Variants in DCC observed in about 807,000 individuals in gnomAD.
DCC encodes DCC netrin 1 receptor, also known as netrin receptor DCC.
DCC carries 58 observed loss-of-function variants against 172.5 expected under a neutral mutation model. The ratio of observed to expected loss-of-function variants is 0.34; its 90% CI spans 0.27 to 0.42. DCC has a LOEUF of 0.42. Among genes scored for constraint, DCC ranks in the 10% least tolerant of loss-of-function variants. The probability of loss-of-function intolerance (pLI) is 1.00; values close to 1 mark genes in which losing one functional copy is unlikely to be tolerated. For missense variants in DCC, 1,740 were observed against 1,791.0 expected (o/e 0.97, Z 0.51); for synonymous variants, 709 against 644.5 (o/e 1.10, Z -1.52).
intron 1 of DCC, among the ~76,000 whole-genome samples, chr18:52,366,798 A>G (rs1984880891): frequency 6.6e-6 from 1 of 151,782 alleles, no homozygotes; most frequent in Non-Finnish European, 1.5e-5. Flanking sequence ...AGACATAAAG[A>G]CTCTCCACCT....
chr18:52,981,066 T>C (rs1045658799), intron 5 of DCC, among the ~76,000 whole-genome samples: 1 of 151,968 alleles, frequency 6.6e-6, no homozygotes, highest in Non-Finnish European at 1.5e-5. Context: ...CCCAGTAATA[T>C]ACACTCTCTG....
intron 1 of DCC, among the ~76,000 whole-genome samples, chr18:52,743,426 A>G (rs996397175): frequency 1.3e-5 from 2 of 152,184 alleles, no homozygotes; most frequent in Non-Finnish European, 2.9e-5. Flanking sequence ...GGGCATGATA[A>G]CCTACATGTC....
chr18:52,951,538 G>A (rs2040647661), intron 5 of DCC, among the ~76,000 whole-genome samples: 1 of 152,026 alleles, frequency 6.6e-6, no homozygotes, highest in South Asian at 2.1e-4. Context: ...GCGGTGTTTG[G>A]TTTTCTGTTC....
At chr18:52,563,913 CTG>C (rs577576668) in intron 1 of DCC, among the ~76,000 whole-genome samples, 10 of 152,248 alleles carry the variant, frequency 6.6e-5, no homozygotes, top group Admixed American at 6.6e-4. Flanking sequence ...GTCTCACCCA[CTG>C]TGTTCTAGTC....
At chr18:53,096,800 AATT>A (rs1374358625) in intron 7 of DCC, among the ~76,000 whole-genome samples, 2 of 152,188 alleles carry the variant, frequency 1.3e-5, no homozygotes, top group African/African-American at 2.4e-5. Context: ...GTGATATGAT[AATT>A]ATTATTATGA....
chr18:53,416,538 C>T (rs189958839), intron 21 of DCC: 133 of 291,288 alleles, frequency 4.6e-4, no homozygotes, highest in African/African-American at 2.5e-3. Context: ...TTCTGTAGCT[C>T]TACAGAGAAA....
At chr18:52,689,871 A>C (rs535122809) in intron 1 of DCC, among the ~76,000 whole-genome samples, 1 of 152,294 alleles carries the variant, frequency 6.6e-6, no homozygotes, top group East Asian at 1.9e-4. Flanking sequence ...TCTTAGCTGC[A>C]GACTCACATA....
chr18:53,076,660 G>A (rs749489266), intron 7 of DCC, among the ~76,000 whole-genome samples: 52 of 152,182 alleles, frequency 3.4e-4, no homozygotes, highest in Non-Finnish European at 5.3e-4. Flanking sequence ...TGGTGGTGCC[G>A]GTAGAAGCCC....
intron 1 of DCC, among the ~76,000 whole-genome samples, chr18:52,483,440 C>T (rs10460087): frequency 0.057 from 8,721 of 151,960 alleles, 311 homozygotes; most frequent in South Asian, 0.12. Flanking sequence ...GAAAAAAATG[C>T]AAGGTAAATT....
At chr18:53,246,243 T>C (rs1244373005) in intron 12 of DCC, among the ~76,000 whole-genome samples, 1 of 152,094 alleles carries the variant, frequency 6.6e-6, no homozygotes. Context: ...AATCTATTTA[T>C]ATTTCAGCTG....
chr18:53,222,383 C>CTT (rs67373546), intron 12 of DCC, among the ~76,000 whole-genome samples: 2,000 of 104,082 alleles, frequency 0.019, 63 homozygotes, highest in African/African-American at 0.064. Context: ...TTTCTTTTTT[C>CTT]TTTTTTTTTT....
chr18:53,259,675 G>C (rs953960602), intron 12 of DCC, among the ~76,000 whole-genome samples: 1 of 152,062 alleles, frequency 6.6e-6, no homozygotes, highest in Non-Finnish European at 1.5e-5. Context: ...TGGTGAATCT[G>C]ACAATTAAGT....
chr18:53,270,144 G>A (rs2144704094), intron 12 of DCC, among the ~76,000 whole-genome samples: 1 of 152,166 alleles, frequency 6.6e-6, no homozygotes, highest in Middle Eastern at 3.4e-3. Context: ...AGAGAGGTAG[G>A]AACAAAATTC....
chr18:52,892,184 A>G (rs2039660455), intron 2 of DCC, among the ~76,000 whole-genome samples: 1 of 152,086 alleles, frequency 6.6e-6, no homozygotes, highest in South Asian at 2.1e-4. Flanking sequence ...TTTTAAGTTC[A>G]TGGATATTAC....
At chr18:52,634,534 G>A (rs775852407) in intron 1 of DCC, among the ~76,000 whole-genome samples, 8 of 152,116 alleles carry the variant, frequency 5.3e-5, no homozygotes, top group South Asian at 2.1e-4. Context: ...GCATGTATAC[G>A]AGAAAAATAA....
intron 1 of DCC, among the ~76,000 whole-genome samples, chr18:52,664,224 T>C (rs562372024): frequency 1.3e-5 from 2 of 152,216 alleles, no homozygotes; most frequent in South Asian, 2.1e-4. Flanking sequence ...CTGAATTATT[T>C]TGAGAGGAAG....
Position 52,360,664 on chromosome 18 carries a change from G to A in DCC, c.91+19786G>A, listed in dbSNP as rs191801035. ...TAACCCAATTTTCTCTTAAAGAGAT[G>A]GTGCATGATTTAAAAAAATCAGAAA... On this transcript the variant is annotated intron_variant, in intron 1 of 28. Transcript: ENST00000442544. 1.5e-3 allele frequency among the ~76,000 whole-genome samples: 227 copies of A among 152,168 alleles called. 9 individuals are homozygous for A. The highest frequency in any genetic ancestry group is 0.013 in the Admixed American group (205 of 15,276).
intron 15 of DCC, among the ~76,000 whole-genome samples, chr18:53,345,482 A>T (rs568856468): frequency 6.6e-6 from 1 of 152,138 alleles, no homozygotes; most frequent in African/African-American, 2.4e-5. Flanking sequence ...TATTTATTGT[A>T]TTATGCAGTC....
chr18:53,302,076 G>T (rs2057148206), intron 12 of DCC, among the ~76,000 whole-genome samples: 1 of 152,086 alleles, frequency 6.6e-6, no homozygotes, highest in African/African-American at 2.4e-5. Context: ...GTTTTTCTCT[G>T]TGCATATCTG....
Sources: allele counts gnomAD v4.1 joint callset (sites outside exome capture counted in the v4.1 genomes callset), GRCh38; gene constraint gnomAD v4.1.1; transcripts MANE v1.5; gene names NCBI Gene and HGNC (gene_info 2026-07-23, HGNC 2026-07-21).